The following PPARGC1A variants were observed in gnomAD, a reference collection of about 807,000 sequenced individuals.
PPARGC1A encodes peroxisome proliferator-activated receptor gamma coactivator 1-alpha.
PPARGC1A carries 25 observed loss-of-function variants against 88.7 expected under a neutral mutation model. The ratio of observed to expected loss-of-function variants is 0.28; its 90% CI spans 0.21 to 0.39. The LOEUF is 0.39. Ranked by LOEUF, PPARGC1A falls within the 10% of genes least tolerant of loss-of-function variation. The pLI, the probability that PPARGC1A is intolerant of heterozygous loss-of-function variation, is 1.00. For synonymous variants in PPARGC1A, 363 were observed against 355.6 expected (o/e 1.02, Z -0.24); for missense variants, 880 against 968.7 (o/e 0.91, Z 1.22).
chr4:23,901,563 GA>G (rs1367316219), upstream of PPARGC1A, among the ~76,000 whole-genome samples: 4 of 149,890 alleles, frequency 2.7e-5, no homozygotes, highest in Non-Finnish European at 4.5e-5. Context: ...AAAAAGAAAA[GA>G]AAAAAGAAAA....
the PPARGC1A span, among the ~76,000 whole-genome samples, chr4:24,000,330 A>G: frequency 6.6e-6 from 1 of 152,144 alleles, no homozygotes; most frequent in East Asian, 1.9e-4. Context: ...TTGCTATAAC[A>G]GTTACCCCTT....
the PPARGC1A span, among the ~76,000 whole-genome samples, chr4:24,459,532 T>A: frequency 4.0e-5 from 6 of 151,620 alleles, no homozygotes; most frequent in Admixed American, 1.3e-4. Context: ...GGTTCACTCC[T>A]GTAATCCCAG....
the PPARGC1A span, among the ~76,000 whole-genome samples, chr4:24,118,647 A>C: frequency 3.3e-5 from 5 of 152,206 alleles, no homozygotes; most frequent in Non-Finnish European, 4.4e-5. Flanking sequence ...CATTCTAGAA[A>C]CAGATAAATA....
chr4:24,071,823 TTC>T, the PPARGC1A span, among the ~76,000 whole-genome samples: 1 of 152,138 alleles, frequency 6.6e-6, no homozygotes. Context: ...GAACTTTGGT[TTC>T]TTTTTGATGT....
the PPARGC1A span, among the ~76,000 whole-genome samples, chr4:24,192,364 T>C: frequency 6.6e-4 from 100 of 152,272 alleles, no homozygotes; most frequent in African/African-American, 2.4e-3. Context: ...CTGAAAATAG[T>C]AAACAGCTGG....
the PPARGC1A span, among the ~76,000 whole-genome samples, chr4:24,441,074 T>A: frequency 9.4e-4 from 143 of 152,264 alleles, no homozygotes; most frequent in Admixed American, 1.6e-3. Flanking sequence ...AGATTTGCAA[T>A]AACATAAAAA....
the PPARGC1A span, among the ~76,000 whole-genome samples, chr4:24,269,373 C>CT: frequency 1.3e-5 from 2 of 151,580 alleles, no homozygotes; most frequent in African/African-American, 4.8e-5. Context: ...CAAGAAGTGA[C>CT]TTATTATCTC....
At chr4:24,098,508 T>C in the PPARGC1A span, among the ~76,000 whole-genome samples, 1 of 152,230 alleles carries the variant, frequency 6.6e-6, no homozygotes, top group Non-Finnish European at 1.5e-5. Context: ...GGAAGGACTT[T>C]TTCTTAACCT....
rs1052151388 is a variant in PPARGC1A, at chr4:23,812,770, C to T, written c.1996G>A (p.Glu666Lys). The T allele has an allele frequency of 1.2e-6, 2 of 1,613,920 alleles. No homozygotes were observed. The highest frequency in any genetic ancestry group is 8.5e-7 in the Non-Finnish European group (1 of 1,179,996). The stretch of plus-strand genomic sequence containing the variant: ...ACAATTGCCTTCTGCCTCTGCCTCT[C>T]CCTTTGCTTGGCCCTCTCAGACTCT... ...KRESERAKQR[E>K]RQRQKAIEER... Residue 666 changes from glutamate (E) to lysine (K), a missense_variant, in exon 10 of 13, where the codon GAG becomes AAG. Glu to Lys is a moderately conservative substitution (Grantham distance 56). Coordinates refer to ENST00000264867, the MANE Select transcript of PPARGC1A (RefSeq NM_013261.5).
chr4:23,959,173 G>C, the PPARGC1A span, among the ~76,000 whole-genome samples: 1 of 152,024 alleles, frequency 6.6e-6, no homozygotes, highest in African/African-American at 2.4e-5. Context: ...TATATTGATC[G>C]AAGGGGCGGC....
At chr4:24,182,132 A>C in the PPARGC1A span, among the ~76,000 whole-genome samples, 2 of 152,064 alleles carry the variant, frequency 1.3e-5, no homozygotes, top group Non-Finnish European at 2.9e-5. Context: ...TATTTGTCCT[A>C]ATGCTATCCC....
the PPARGC1A span, among the ~76,000 whole-genome samples, chr4:23,992,309 TTA>T: frequency 1.3e-4 from 19 of 150,620 alleles, no homozygotes; most frequent in Non-Finnish European, 3.0e-5. Flanking sequence ...GATAATATTA[TTA>T]CTAGTCTATA....
chr4:23,847,742 T>C (rs1728570443), intron 2 of PPARGC1A, among the ~76,000 whole-genome samples: 3 of 152,180 alleles, frequency 2.0e-5, no homozygotes, highest in South Asian at 2.1e-4. Context: ...AGTTGTCAAA[T>C]AGCACTTGTT....
the PPARGC1A span, among the ~76,000 whole-genome samples, chr4:23,983,074 C>A: frequency 6.6e-6 from 1 of 152,056 alleles, no homozygotes; most frequent in Non-Finnish European, 1.5e-5. Context: ...ATACTGTCTG[C>A]TTCTTTACAG....
chr4:24,369,146 T>G, the PPARGC1A span, among the ~76,000 whole-genome samples: 1 of 152,296 alleles, frequency 6.6e-6, no homozygotes, highest in Non-Finnish European at 1.5e-5. Context: ...GAAAAAAGAC[T>G]GGAAGAGCAG....
chr4:24,074,095 C>T, the PPARGC1A span, among the ~76,000 whole-genome samples: 21 of 151,994 alleles, frequency 1.4e-4, no homozygotes, highest in Non-Finnish European at 2.8e-4. Flanking sequence ...GGGAGGATCC[C>T]GCAAAAGGGA....
chr4:24,161,514 C>T, the PPARGC1A span, among the ~76,000 whole-genome samples: 1 of 152,122 alleles, frequency 6.6e-6, no homozygotes, highest in Non-Finnish European at 1.5e-5. Context: ...AGTTTCCTCA[C>T]CTGGAAAATG....
chr4:24,396,479 G>A, the PPARGC1A span, among the ~76,000 whole-genome samples: 2 of 151,996 alleles, frequency 1.3e-5, no homozygotes, highest in Admixed American at 6.6e-5. Flanking sequence ...GACCTCCCTG[G>A]GCAGATCAAA....
chr4:23,823,600 T>C (rs143448047), intron 7 of PPARGC1A, among the ~76,000 whole-genome samples: 220 of 152,192 alleles, frequency 1.4e-3, no homozygotes, highest in African/African-American at 5.1e-3. Flanking sequence ...ATAATGTATT[T>C]AAGAAATAGT....
Sources: allele counts gnomAD v4.1 joint callset (sites outside exome capture counted in the v4.1 genomes callset), GRCh38; gene constraint gnomAD v4.1.1; transcripts MANE v1.5; gene names NCBI Gene and HGNC (gene_info 2026-07-23, HGNC 2026-07-21).